The following EIF2AK1 variants were observed in gnomAD, a reference collection of about 807,000 sequenced individuals.
The protein encoded by EIF2AK1 is eukaryotic translation initiation factor 2 alpha kinase 1, also known as eukaryotic translation initiation factor 2-alpha kinase 1.
A neutral mutation model predicts 77.9 loss-of-function variants in EIF2AK1; 54 were observed. The ratio of observed to expected loss-of-function variants is 0.69; its 90% CI spans 0.56 to 0.87. The LOEUF is 0.87. EIF2AK1 is among the 40% of genes least tolerant of loss of function. The pLI, the probability that EIF2AK1 is intolerant of heterozygous loss-of-function variation, is 0.00. For missense variants in EIF2AK1, 810 were observed against 768.6 expected, an observed-to-expected ratio of 1.05 and a Z score of -0.64; for synonymous variants, 314 against 290.5, an observed-to-expected ratio of 1.08 and a Z score of -0.82.
At position 6,047,270 on chromosome 7, in the gene EIF2AK1, G is replaced by A. The variant is rs756882568; in HGVS notation, c.450-179C>T. ...CCCTATGAAGAAAACAAAATCAGGT[G>A]TTTTACCAGTAACGGGTATTCCAAG... On this transcript the variant is annotated intron_variant, in intron 4 of 14. Coordinates refer to ENST00000199389, the MANE Select transcript of EIF2AK1 (RefSeq NM_014413.4). The A allele has an allele frequency of 4.7e-5, 34 of 722,178 alleles. 1 individual carries two copies. In the South Asian group the frequency reaches 5.0e-4, roughly 11 times the overall value. 44.7% of individuals were successfully genotyped at this position (722,178 alleles called of 1,614,324 possible).
chr7:6,023,179 C>G lies in EIF2AK1; in HGVS notation c.*1494G>C. The G allele has an allele frequency of 8.5e-7, 1 of 1,178,896 alleles. No homozygotes were observed. Among genetic ancestry groups the G allele is most frequent in the South Asian group, 1.6e-5 (1 of 62,616 alleles). The allele number at this position is 1,178,896 out of a possible 1,614,324, so 73.0% of individuals were successfully genotyped here. ...GACAGACTGAAAATGTGATGTTCTT[C>G]TTGAAAACACCCTTTCCCATGTCAT... On this transcript the variant is annotated 3_prime_UTR_variant, in exon 15 of 15. Coordinates refer to ENST00000199389, the MANE Select transcript of EIF2AK1 (RefSeq NM_014413.4).
chr7:6,033,265 C>T lies in EIF2AK1; in HGVS notation c.1332+4159G>A, dbSNP rs1477090037. 3.3e-5 allele frequency among the ~76,000 whole-genome samples: 5 copies of T among 152,092 alleles called. No homozygotes were observed. The highest frequency in any genetic ancestry group is 7.4e-5 in the Non-Finnish European group (5 of 68,002). On this transcript the variant is annotated intron_variant, in intron 11 of 14. Transcript: ENST00000199389. The surrounding 1 kb of genome is among the most constrained non-coding windows in gnomAD (Gnocchi z 4.4). ...ATTAACAGCCCTCAGCCACAGCACC[C>T]AGCTTCACTGACAATCATTTCTAAG...
Position 6,036,150 on chromosome 7 carries a change from C to G in EIF2AK1, c.1332+1274G>C. The G allele has an allele frequency of 1.3e-6, 2 of 1,550,248 alleles. No individual in the cohort carries two copies. The highest frequency in any genetic ancestry group is 1.7e-6 in the Non-Finnish European group (2 of 1,146,728). On this transcript the variant is annotated intron_variant, in intron 11 of 14. Transcript: ENST00000199389. The surrounding 1 kb of genome is among the most constrained non-coding windows in gnomAD (Gnocchi z 4.6). ...CAGGCTACTTTATCACACTTATCCT[C>G]TGAGAATGACCAATAACCAAGGAAT...
intron 11 of EIF2AK1, chr7:6,031,592 G>A (rs1395596708): frequency 6.4e-7 from 1 of 1,550,428 alleles, no homozygotes; most frequent in Non-Finnish European, 8.7e-7. Flanking sequence ...TCTGACCCAG[G>A]TACCCTCTTT....
Position 6,041,160 on chromosome 7 carries a change from G to T in EIF2AK1, c.851C>A (p.Pro284His). 6.2e-7 allele frequency: 1 copy of T among 1,613,812 alleles called. No homozygotes were observed. Among genetic ancestry groups the T allele is most frequent in the African/African-American group, 1.3e-5 (1 of 74,924 alleles). ...AAAGCGTTTTTCTTTTTCTGGGGTG[G>T]GCTCAGCAAAGATAATGGATGAGCT... ...SSSSSIIFAE[P>H]TPEKEKRFGE... is the part of the protein sequence containing the mutation. Residue 284 changes from proline to histidine, a missense_variant, in exon 9 of 15, where the codon CCC becomes CAC. Pro to His is a moderately conservative substitution (Grantham distance 77). Coordinates refer to ENST00000199389, the MANE Select transcript of EIF2AK1 (RefSeq NM_014413.4).
At chr7:6,026,541 A>G (rs745373966) in intron 14 of EIF2AK1, 187 bp downstream of exon 14, 105 of 708,438 alleles carry the variant, frequency 1.5e-4, no homozygotes, top group Non-Finnish European at 2.6e-4. Flanking sequence ...AAGGGGAGTG[A>G]GTCCTGCCAG....
chr7:6,025,847 G>A (rs1787731275), intron 14 of EIF2AK1, among the ~76,000 whole-genome samples: 2 of 152,012 alleles, frequency 1.3e-5, no homozygotes, highest in South Asian at 4.1e-4. Flanking sequence ...TGGCCGGGCT[G>A]GTCTTGAACT....
chr7:6,047,139 A>ATG (rs768553456), intron 4 of EIF2AK1, 48 bp from the exon 5 acceptor site: 3 of 1,540,778 alleles, frequency 1.9e-6, no homozygotes, highest in Non-Finnish European at 2.7e-6. Flanking sequence ...AGAGAATCAA[A>ATG]ATGTTCTAGG....
chr7:6,039,798 G>A (rs1316636316), intron 9 of EIF2AK1, among the ~76,000 whole-genome samples: 7 of 151,086 alleles, frequency 4.6e-5, no homozygotes, highest in African/African-American at 7.3e-5. Context: ...TTAGCTGGGC[G>A]TGGTGGTGGG....
Position 6,023,521 on chromosome 7 carries a change from A to T in EIF2AK1, c.*1152T>A. 6.2e-7 allele frequency: 1 copy of T among 1,614,236 alleles called. No individual in the cohort carries two copies. Among genetic ancestry groups the T allele is most frequent in the South Asian group, 1.1e-5 (1 of 91,092 alleles). On this transcript the variant is annotated 3_prime_UTR_variant, in exon 15 of 15. Coordinates refer to ENST00000199389, the MANE Select transcript of EIF2AK1 (RefSeq NM_014413.4). Reference sequence around the variant, plus strand: ...CCGCTCCATGAACTCTGCTCTTGGGAAGAGCCCTTGGCTCGCTGGGAATGA... The same window carrying T: ...CCGCTCCATGAACTCTGCTCTTGGGTAGAGCCCTTGGCTCGCTGGGAATGA...
chr7:6,030,394 G>A (rs1052591730), intron 11 of EIF2AK1, among the ~76,000 whole-genome samples: 3 of 152,164 alleles, frequency 2.0e-5, no homozygotes, highest in Non-Finnish European at 4.4e-5. Context: ...TACCAGACAC[G>A]TGACCTTGCA....
At chr7:6,037,567 C>T in intron 10 of EIF2AK1, 43 bp from the exon 11 acceptor site, 1 of 1,212,662 alleles carries the variant, frequency 8.2e-7, no homozygotes, top group Non-Finnish European at 1.2e-6. Flanking sequence ...AATTTTTTTA[C>T]TCATTACATG....
At position 6,032,812 on chromosome 7, in the gene EIF2AK1, G is replaced by A. The variant is rs915313865; in HGVS notation, c.1333-3780C>T. The A allele has an allele frequency of 1.2e-5, 19 of 1,529,450 alleles. No homozygotes were observed. The highest frequency in any genetic ancestry group is 1.7e-5 in the Non-Finnish European group (19 of 1,128,090). 94.7% of individuals were successfully genotyped at this position (1,529,450 alleles called of 1,614,324 possible). On this transcript the variant is annotated intron_variant, in intron 11 of 14. Transcript: ENST00000199389. The surrounding 1 kb of genome is among the most constrained non-coding windows in gnomAD (Gnocchi z 4.3). ...TATTTTTAACTACACAGGGCCACTTGTAATGTGTTTTGTTTTCCCTCCAAA... is the reference window on the plus strand; with the variant it reads ...TATTTTTAACTACACAGGGCCACTTATAATGTGTTTTGTTTTCCCTCCAAA...
At chr7:6,049,666 G>A in intron 3 of EIF2AK1, 1 of 289,086 alleles carries the variant, frequency 3.5e-6, no homozygotes, top group Non-Finnish European at 6.1e-6. Flanking sequence ...TCACTCTGCT[G>A]CTCAGGCTGG....
At chr7:6,045,303 G>A (rs1270387266) in intron 6 of EIF2AK1, among the ~76,000 whole-genome samples, 1 of 151,918 alleles carries the variant, frequency 6.6e-6, no homozygotes, top group Non-Finnish European at 1.5e-5. Flanking sequence ...ACAGGGTTGT[G>A]CTATGTTGGC....
In EIF2AK1 at chr7:6,040,961, G is replaced by C; in HGVS notation, c.1050C>G (p.His350Gln). 1 of 1,614,162 alleles carries C rather than the reference G, an allele frequency of 6.2e-7. No homozygotes were observed. The highest frequency in any genetic ancestry group is 8.5e-7 in the Non-Finnish European group (1 of 1,180,042). Residue 350 changes from histidine (H) to glutamine (Q), a missense_variant, in exon 9 of 15, where the codon CAC (histidine) becomes CAG (glutamine). Physicochemically the swap from His to Gln is conservative, Grantham distance 24. Transcript: ENST00000199389. ...EQQLPLRRNS[H>Q]LEESFTSTEE... ...CGGTGGATGTGAAACTCTCCTCTAG[G>C]TGGGAATTACGCCTGAGTGGCAGCT...
intron 2 of EIF2AK1, among the ~76,000 whole-genome samples, chr7:6,053,519 C>T (rs536046095): frequency 2.0e-5 from 3 of 152,088 alleles, no homozygotes; most frequent in African/African-American, 7.2e-5. Flanking sequence ...TGCCCGCCAC[C>T]ATGCCCAGCT....
chr7:6,025,519 TA>T (rs1226786621), intron 14 of EIF2AK1, among the ~76,000 whole-genome samples: 2 of 152,142 alleles, frequency 1.3e-5, no homozygotes, highest in African/African-American at 4.8e-5. Flanking sequence ...GGACAATGAA[TA>T]TAAGCATGCT....
chr7:6,040,984 G>C lies in EIF2AK1; in HGVS notation c.1027C>G (p.Leu343Val). 6.2e-7 allele frequency: 1 copy of C among 1,614,166 alleles called. No homozygotes were observed. The highest frequency in any genetic ancestry group is 1.3e-5 in the African/African-American group (1 of 75,036). The change falls in exon 9 of 15, where the codon CTG becomes GTG. Residue 343 changes from leucine (L) to valine (V), a missense_variant. By Grantham distance (32) the Leu-to-Val change is conservative (BLOSUM62 1). Around this residue, in one of 3 missense-constraint regions of EIF2AK1, gnomAD observed 549 missense variants for 533.7 expected, o/e 1.03. Coordinates refer to ENST00000199389, the MANE Select transcript of EIF2AK1 (RefSeq NM_014413.4). The stretch of plus-strand genomic sequence containing the variant: ...AGGTGGGAATTACGCCTGAGTGGCA[G>C]CTGCTGTTCCACAATTGAACTGGCA... ...LSASSIVEQQ[L>V]PLRRNSHLEE...
Sources: gnomAD v4.1 joint callset for allele counts (sites outside exome capture counted in the v4.1 genomes callset) on GRCh38, gnomAD v4.1.1 for gene constraint, gnomAD v4.1.1 regional missense constraint, Gnocchi (gnomAD v3.1) non-coding constraint, MANE v1.5 for transcripts, NCBI Gene and HGNC (gene_info 2026-07-23, HGNC 2026-07-21) for gene names.